CAST: variants seen among roughly 807,000 people sequenced by gnomAD.
CAST encodes calpastatin, also known as MIR583 host.
A neutral mutation model predicts 119.6 loss-of-function variants in CAST; 76 were observed. That is an observed-to-expected ratio of 0.64 (90% CI 0.53 to 0.77). The LOEUF (loss-of-function observed/expected upper bound fraction) is 0.77. Ranked by LOEUF, CAST falls within the 30% of genes least tolerant of loss-of-function variation. The pLI is 0.00. For missense variants in CAST, 953 were observed against 946.5 expected (o/e 1.01, Z -0.09); for synonymous variants, 319 against 331.6 (o/e 0.96, Z 0.41).
chr5:96,310,575 A>T, the CAST span, among the ~76,000 whole-genome samples: 5 of 80,780 alleles, frequency 6.2e-5, no homozygotes, highest in Admixed American at 2.3e-4. Flanking sequence ...TTTTTTTTTT[A>T]AATGGGAGAC....
At chr5:96,669,174 G>A (rs539754290) in intron 1 of CAST, among the ~76,000 whole-genome samples, 1 of 152,346 alleles carries the variant, frequency 6.6e-6, no homozygotes, top group African/African-American at 2.4e-5. Context: ...TGCACCCAGG[G>A]AGACTGTTCT....
the CAST span, among the ~76,000 whole-genome samples, chr5:96,188,694 TG>T: frequency 6.6e-6 from 1 of 152,190 alleles, no homozygotes; most frequent in Admixed American, 6.5e-5. Context: ...ATTCTGAAAA[TG>T]TTATTAAATT....
chr5:96,238,328 C>CTTCTTCTTCTTCTTA, the CAST span, among the ~76,000 whole-genome samples: 4 of 41,782 alleles, frequency 9.6e-5, no homozygotes, highest in South Asian at 4.6e-3. Flanking sequence ...TCTTCTTCTT[C>CTTCTTCTTCTTCTTA]TTCTTCTTCT....
At chr5:96,600,770 A>C (rs923111333) in intron 1 of CAST, among the ~76,000 whole-genome samples, 5 of 152,194 alleles carry the variant, frequency 3.3e-5, no homozygotes, top group African/African-American at 1.2e-4. Context: ...TTTCAAGAAA[A>C]GCTTATAAGG....
upstream of CAST, among the ~76,000 whole-genome samples, chr5:96,661,419 GAAAAAAAA>G (rs34922511): frequency 5.3e-3 from 465 of 88,366 alleles, 9 homozygotes; most frequent in South Asian, 0.05. Flanking sequence ...TGCCTCTCCA[GAAAAAAAA>G]AAAAAAAAAA....
chr5:96,101,067 C>T, the CAST span, among the ~76,000 whole-genome samples: 1 of 152,206 alleles, frequency 6.6e-6, no homozygotes, highest in Non-Finnish European at 1.5e-5. Flanking sequence ...GCACACATCA[C>T]ACCTGGCTAA....
the CAST span, among the ~76,000 whole-genome samples, chr5:96,042,804 A>T: frequency 0.044 from 6,717 of 152,244 alleles, 264 homozygotes; most frequent in African/African-American, 0.087. Flanking sequence ...TTCTTAAAAA[A>T]TAAAATAAAA....
At chr5:96,490,030 G>A in the CAST span, among the ~76,000 whole-genome samples, 1 of 152,200 alleles carries the variant, frequency 6.6e-6, no homozygotes, top group African/African-American at 2.4e-5. Flanking sequence ...CTGGACATAT[G>A]TGCTTTCTGG....
chr5:96,721,572 T>C (rs1165679341), intron 3 of CAST, among the ~76,000 whole-genome samples: 1 of 152,168 alleles, frequency 6.6e-6, no homozygotes, highest in East Asian at 1.9e-4. Flanking sequence ...CTTCCTTCCC[T>C]GGGTGTTGTT....
At chr5:96,248,533 G>A in the CAST span, among the ~76,000 whole-genome samples, 46 of 152,216 alleles carry the variant, frequency 3.0e-4, no homozygotes, top group Non-Finnish European at 3.4e-4. Flanking sequence ...TGGCAAGATG[G>A]GATAAAACTC....
chr5:96,456,279 A>G, the CAST span, among the ~76,000 whole-genome samples: 1 of 152,252 alleles, frequency 6.6e-6, no homozygotes, highest in Admixed American at 6.5e-5. Flanking sequence ...GCTGGAAACT[A>G]AATCAAAGTG....
chr5:96,607,717 G>A (rs1433001498), intron 1 of CAST, among the ~76,000 whole-genome samples: 2 of 151,282 alleles, frequency 1.3e-5, no homozygotes, highest in Non-Finnish European at 2.9e-5. Flanking sequence ...AAGTCAGTTG[G>A]TCTGGCCACG....
the CAST span, among the ~76,000 whole-genome samples, chr5:96,265,474 G>A: frequency 6.6e-6 from 1 of 152,000 alleles, no homozygotes; most frequent in Non-Finnish European, 1.5e-5. Flanking sequence ...AGTCCTAAAG[G>A]CCTTAGAGAA....
intron 1 of CAST, among the ~76,000 whole-genome samples, chr5:96,582,211 A>G (rs1201569216): frequency 6.6e-6 from 1 of 151,688 alleles, no homozygotes; most frequent in East Asian, 2.0e-4. Flanking sequence ...AGAGAGGCAA[A>G]TTTTTCACTT....
the CAST span, among the ~76,000 whole-genome samples, chr5:95,978,795 T>C: frequency 4.0e-4 from 61 of 152,172 alleles, no homozygotes; most frequent in Admixed American, 2.5e-3. Context: ...ATAATATTTT[T>C]TAAAAAAAAC....
the CAST span, among the ~76,000 whole-genome samples, chr5:96,469,672 C>T: frequency 2.6e-5 from 4 of 151,674 alleles, no homozygotes; most frequent in East Asian, 3.9e-4. Flanking sequence ...ATAATGCACA[C>T]ATACGTATAT....
chr5:96,363,897 C>G, the CAST span, among the ~76,000 whole-genome samples: 1 of 152,154 alleles, frequency 6.6e-6, no homozygotes, highest in Non-Finnish European at 1.5e-5. Context: ...GAGAGGGCAT[C>G]CCTGTCTTTT....
At chr5:96,454,612 G>A in the CAST span, among the ~76,000 whole-genome samples, 1 of 152,216 alleles carries the variant, frequency 6.6e-6, no homozygotes, top group African/African-American at 2.4e-5. Flanking sequence ...CCTGTGCTGA[G>A]TCTAGCGGGA....
At chr5:96,160,258 G>A in the CAST span, among the ~76,000 whole-genome samples, 8 of 152,076 alleles carry the variant, frequency 5.3e-5, no homozygotes, top group Admixed American at 4.6e-4. Flanking sequence ...TCTGTTAGCA[G>A]TCACTCTCCA....
Sources: gnomAD v4.1 joint callset for allele counts (sites outside exome capture counted in the v4.1 genomes callset) on GRCh38, gnomAD v4.1.1 for gene constraint, MANE v1.5 for transcripts, NCBI Gene and HGNC (gene_info 2026-07-23, HGNC 2026-07-21) for gene names.